The following EBF3 variants were observed in gnomAD, a reference collection of about 807,000 sequenced individuals.
The protein encoded by EBF3 is transcription factor COE3.
A neutral mutation model predicts 77.1 loss-of-function variants in EBF3; 18 were observed. That is an observed-to-expected ratio of 0.23 (90% CI 0.16 to 0.35). The LOEUF (loss-of-function observed/expected upper bound fraction) is 0.35, where lower values mean the gene tolerates loss of function less well. EBF3 is among the 10% of genes least tolerant of loss of function. EBF3 has a pLI of 1.00. For synonymous variants in EBF3, 350 were observed against 343.5 expected, an observed-to-expected ratio of 1.02 and a Z score of -0.21; for missense variants, 558 against 860.0, an observed-to-expected ratio of 0.65 and a Z score of 4.39.
chr10:129,835,710 T>A lies in EBF3; in HGVS notation c.*2233A>T, dbSNP rs1272757701. On this transcript the variant is annotated 3_prime_UTR_variant, in exon 17 of 17. Coordinates refer to ENST00000440978, the MANE Select transcript of EBF3 (RefSeq NM_001375380.1). ...TTAATTTTGTCCCTAGAATGAACAC[T>A]TTGTAAGTTGTGCATTGTTGATTTT... 1 of 152,284 alleles carries A rather than the reference T, an allele frequency of 6.6e-6. No homozygotes were observed. 9.4% of individuals were successfully genotyped at this position (152,284 alleles called of 1,614,324 possible). A position where few individuals can be genotyped will look rare whatever the true frequency, so the allele number is the denominator to read the frequency against.
chr10:129,952,146 A>C lies in EBF3; in HGVS notation c.554+5112T>G, dbSNP rs1448595010. The stretch of plus-strand genomic sequence containing the variant: ...ATGTATTAAAACAGACCCTGAACCA[A>C]AGAGCATCTCCAATGCACAGCCTCC... On this transcript the variant is annotated intron_variant, in intron 6 of 16. Transcript: ENST00000440978. The surrounding 1 kb of genome is among the most constrained non-coding windows in gnomAD (Gnocchi z 4.7). 6.6e-6 allele frequency among the ~76,000 whole-genome samples: 1 copy of C among 152,214 alleles called. No individual in the cohort carries two copies. Among genetic ancestry groups the C allele is most frequent in the African/African-American group, 2.4e-5 (1 of 41,458 alleles).
rs1257743861 is a variant in EBF3 at position 129,841,428 on chromosome 10, T to G, written c.1373-396A>C. Among the ~76,000 whole-genome samples the G allele has an allele frequency of 6.6e-6, 1 of 152,176 alleles. No homozygotes were observed. The highest frequency in any genetic ancestry group is 1.5e-5 in the Non-Finnish European group (1 of 68,036). ...GCTTGTTTGTGGCCGTAACTTCCCC[T>G]GAAAGGCTGTTTGGGGGTCTTCATT... On this transcript the variant is annotated intron_variant, in intron 13 of 16. Transcript: ENST00000440978. This position sits in a 1 kb window ranked among gnomAD's most constrained non-coding sequence, Gnocchi z 4.6.
At chr10:129,903,943 T>C (rs1361382396) in intron 6 of EBF3, among the ~76,000 whole-genome samples, 1 of 152,188 alleles carries the variant, frequency 6.6e-6, no homozygotes, top group Non-Finnish European at 1.5e-5. Flanking sequence ...CTTTCTGTCC[T>C]CAAAACCCTA....
At chr10:129,914,239 C>T (rs928967242) in intron 6 of EBF3, among the ~76,000 whole-genome samples, 6 of 152,158 alleles carry the variant, frequency 3.9e-5, no homozygotes, top group African/African-American at 9.7e-5. Flanking sequence ...AAGACCGAGG[C>T]GGCTGAGGAG....
At chr10:129,856,508 T>C (rs1315995738) in intron 10 of EBF3, among the ~76,000 whole-genome samples, 1 of 152,048 alleles carries the variant, frequency 6.6e-6, no homozygotes, top group Non-Finnish European at 1.5e-5. Flanking sequence ...GCCCCATTTA[T>C]AGGAAATATC....
In EBF3 at chr10:129,950,643, C is replaced by A. The variant is rs567199803; in HGVS notation, c.554+6615G>T. Among the ~76,000 whole-genome samples, 245 of 150,874 alleles carry A rather than the reference C, an allele frequency of 1.6e-3. 1 individual carries two copies. The highest frequency in any genetic ancestry group is 3.5e-3 in the Admixed American group (53 of 15,186). ...TTATAAAATTCAACAAGAACAACAA[C>A]AAAAAAAAACCCCTTAACCCATGAA... On this transcript the variant is annotated intron_variant, in intron 6 of 16. Transcript: ENST00000440978.
rs1020754018 is a variant in EBF3 at position 129,944,389 on chromosome 10, G to A, written c.554+12869C>T. Among the ~76,000 whole-genome samples the A allele has an allele frequency of 6.6e-6, 1 of 152,128 alleles. No homozygotes were observed. The highest frequency in any genetic ancestry group is 2.4e-5 in the African/African-American group (1 of 41,406). ...AATTCTGAGCCTTGATGTTAAATAG[G>A]GATCAATACCGCTGGGCTGCAGATG... On this transcript the variant is annotated intron_variant, in intron 6 of 16. Coordinates refer to ENST00000440978, the MANE Select transcript of EBF3 (RefSeq NM_001375380.1). This position sits in a 1 kb window ranked among gnomAD's most constrained non-coding sequence, Gnocchi z 5.1.
intron 6 of EBF3, among the ~76,000 whole-genome samples, chr10:129,893,325 C>T (rs568532240): frequency 6.6e-6 from 1 of 152,280 alleles, no homozygotes; most frequent in Admixed American, 6.5e-5. Flanking sequence ...GACAACAGCA[C>T]CACATATGGC....
intron 6 of EBF3, among the ~76,000 whole-genome samples, chr10:129,925,893 G>A (rs1426377438): frequency 6.6e-6 from 1 of 152,108 alleles, no homozygotes; most frequent in Non-Finnish European, 1.5e-5. Context: ...AAGAATCCAG[G>A]ACAGTTAGGA....
At chr10:129,873,363 T>C (rs1321169264) in intron 8 of EBF3, 89 bp downstream of exon 8, 1 of 1,358,572 alleles carries the variant, frequency 7.4e-7, no homozygotes, top group Non-Finnish European at 9.5e-7. Context: ...GGGGGCCTGG[T>C]GAGAGTAACT....
chr10:129,900,734 C>T (rs1298377382), intron 6 of EBF3, among the ~76,000 whole-genome samples: 1 of 152,244 alleles, frequency 6.6e-6, no homozygotes, highest in Non-Finnish European at 1.5e-5. Flanking sequence ...TGAGGAGCAC[C>T]GTAGCGGGGG....
intron 6 of EBF3, among the ~76,000 whole-genome samples, chr10:129,948,900 C>T (rs1017944250): frequency 7.9e-5 from 12 of 152,130 alleles, no homozygotes; most frequent in Admixed American, 7.9e-4. Context: ...CAGAGCCGGA[C>T]GTGTGGTTCT....
chr10:129,857,839 C>T (rs1195838884), intron 10 of EBF3, among the ~76,000 whole-genome samples: 1 of 152,250 alleles, frequency 6.6e-6, no homozygotes, highest in African/African-American at 2.4e-5. Flanking sequence ...GTATCACCTA[C>T]TGTGTCCAGG....
intron 6 of EBF3, among the ~76,000 whole-genome samples, chr10:129,911,677 G>T (rs905425937): frequency 6.6e-6 from 1 of 152,134 alleles, no homozygotes; most frequent in African/African-American, 2.4e-5. Context: ...ACAGTTAGCC[G>T]ACCTGTCATT....
chr10:129,948,777 C>T (rs992173176), intron 6 of EBF3, among the ~76,000 whole-genome samples: 1 of 152,146 alleles, frequency 6.6e-6, no homozygotes, highest in Non-Finnish European at 1.5e-5. Flanking sequence ...GAAGACAAGG[C>T]CAGGTTAGGG....
rs573298734 is a variant in EBF3 at position 129,910,504 on chromosome 10, G to A, written c.555-32655C>T. Among the ~76,000 whole-genome samples, 27 of 152,176 alleles carry A rather than the reference G, an allele frequency of 1.8e-4. No individual in the cohort carries two copies. The South Asian group carries it at 5.6e-3, about 32-fold the overall frequency. On this transcript the variant is annotated intron_variant, in intron 6 of 16. Transcript: ENST00000440978. ...CCTAAAATCCAAATTGGAAGGGTCC[G>A]AAGAGCCATCCCCCACCACAGTTTG...
intron 6 of EBF3, among the ~76,000 whole-genome samples, chr10:129,878,933 C>T (rs1853003214): frequency 6.6e-6 from 1 of 151,236 alleles, no homozygotes; most frequent in Non-Finnish European, 1.5e-5. Context: ...AAGCAAGGAA[C>T]AGCACTCTGC....
chr10:129,937,487 C>T (rs934551439), intron 6 of EBF3, among the ~76,000 whole-genome samples: 1 of 152,160 alleles, frequency 6.6e-6, no homozygotes, highest in Non-Finnish European at 1.5e-5. Context: ...CACACCAGCG[C>T]TGCCCCAAGC....
At chr10:129,951,709 C>T (rs554183711) in intron 6 of EBF3, among the ~76,000 whole-genome samples, 10 of 152,364 alleles carry the variant, frequency 6.6e-5, no homozygotes, top group Admixed American at 6.5e-5. Context: ...CCGCGGCAGG[C>T]GACCACGCAA....
Sources: gnomAD v4.1 joint callset for allele counts (sites outside exome capture counted in the v4.1 genomes callset) on GRCh38, gnomAD v4.1.1 for gene constraint, Gnocchi (gnomAD v3.1) non-coding constraint, MANE v1.5 for transcripts, NCBI Gene and HGNC (gene_info 2026-07-23, HGNC 2026-07-21) for gene names.